The following VPS13A variants were observed in gnomAD, a reference collection of about 807,000 sequenced individuals.
VPS13A encodes intermembrane lipid transfer protein VPS13A.
A neutral mutation model predicts 390.9 loss-of-function variants in VPS13A; 264 were observed. The observed-to-expected ratio is 0.68, with a 90% CI of 0.61 to 0.75. VPS13A has a LOEUF of 0.75. VPS13A is among the 30% of genes least tolerant of loss of function. The probability of loss-of-function intolerance (pLI) is 0.00; values close to 1 mark genes in which losing one functional copy is unlikely to be tolerated. For missense variants in VPS13A, 3,409 were observed against 3,733.9 expected, an observed-to-expected ratio of 0.91 and a Z score of 2.27; for synonymous variants, 1,231 against 1,227.1, an observed-to-expected ratio of 1.00 and a Z score of -0.07.
At chr9:77,274,708 A>G (rs938546200) in intron 24 of VPS13A, among the ~76,000 whole-genome samples, 3 of 152,114 alleles carry the variant, frequency 2.0e-5, no homozygotes, top group Admixed American at 6.5e-5. Flanking sequence ...GTGTATGTCT[A>G]TATTTTTAAG....
chr9:77,407,065 GC>G (rs1587730016), intron 70 of VPS13A, among the ~76,000 whole-genome samples: 1 of 152,092 alleles, frequency 6.6e-6, no homozygotes, highest in East Asian at 1.9e-4. Flanking sequence ...GTTTAAAATG[GC>G]AGAAGTACAT....
chr9:77,357,316 C>CA (rs1156801817), intron 55 of VPS13A, among the ~76,000 whole-genome samples: 1,871 of 44,476 alleles, frequency 0.042, 322 homozygotes, highest in African/African-American at 0.095. Context: ...GACTCTGTCT[C>CA]AAAAAAAAAA....
rs148219980 is a variant in VPS13A, at chr9:77,405,705, CTTTATGGTTCCAGTTCTTTTAAA to C, written c.9276-156_9276-134del. ...AGTTCTGTTATGATCTGAGGACACA[CTTTATGGTTCCAGTTCTTTTAAA>C]TTCATTAAGAATATAGAATATAGTC... On this transcript the variant is annotated intron_variant, in intron 69 of 71. Transcript: ENST00000360280. Among the ~76,000 whole-genome samples the C allele has an allele frequency of 3.5e-3, 540 of 152,272 alleles. 3 individuals carry two copies. Among genetic ancestry groups the C allele is most frequent in the African/African-American group, 0.012 (515 of 41,566 alleles).
chr9:77,204,547 T>TATAC (rs537679944), intron 3 of VPS13A, among the ~76,000 whole-genome samples: 7 of 152,166 alleles, frequency 4.6e-5, no homozygotes, highest in African/African-American at 4.8e-5. Flanking sequence ...TGTGAATTAC[T>TATAC]ATACATACAT....
At chr9:77,314,816 T>A in intron 37 of VPS13A, 152 bp downstream of exon 37, 1 of 720,128 alleles carries the variant, frequency 1.4e-6, no homozygotes, top group Non-Finnish European at 2.3e-6. Flanking sequence ...CGGTTAACAT[T>A]TAAAATGTCC....
chr9:77,268,881 A>G (rs1447350533), intron 23 of VPS13A, among the ~76,000 whole-genome samples: 1 of 151,666 alleles, frequency 6.6e-6, no homozygotes, highest in Non-Finnish European at 1.5e-5. Flanking sequence ...TGGAGGTTGC[A>G]GTGAGCCAAG....
chr9:77,270,169 T>C (rs1826264235), intron 23 of VPS13A, among the ~76,000 whole-genome samples: 1 of 152,194 alleles, frequency 6.6e-6, no homozygotes, highest in Non-Finnish European at 1.5e-5. Flanking sequence ...GAAGTGGCTT[T>C]AGAACTGGGT....
At chr9:77,325,550 A>G (rs1325695507) in intron 45 of VPS13A, among the ~76,000 whole-genome samples, 1 of 148,644 alleles carries the variant, frequency 6.7e-6, no homozygotes, top group Non-Finnish European at 1.5e-5. Context: ...CTTTGCTTCC[A>G]TCTTCCCTTT....
intron 68 of VPS13A, among the ~76,000 whole-genome samples, chr9:77,402,467 A>C (rs1422635483): frequency 6.6e-6 from 1 of 152,070 alleles, no homozygotes; most frequent in Non-Finnish European, 1.5e-5. Context: ...TTCTTGAGGG[A>C]ACTTAGTCAT....
intron 70 of VPS13A, among the ~76,000 whole-genome samples, chr9:77,406,446 G>A (rs1294273478): frequency 2.6e-5 from 4 of 151,782 alleles, no homozygotes; most frequent in Non-Finnish European, 5.9e-5. Flanking sequence ...TTGAGACAGA[G>A]TCTTGCCCTG....
At chr9:77,321,018 T>C in intron 42 of VPS13A, 151 bp from the exon 43 acceptor site, 3 of 686,670 alleles carry the variant, frequency 4.4e-6, no homozygotes, top group Admixed American at 2.8e-5. Flanking sequence ...CTTAGTTGGC[T>C]GATGTCCAAG....
At chr9:77,350,035 G>T (rs72746025) in intron 52 of VPS13A, among the ~76,000 whole-genome samples, 8,717 of 152,020 alleles carry the variant, frequency 0.057, 361 homozygotes, top group South Asian at 0.12. Flanking sequence ...GTAGTATATT[G>T]TCTTCTAATG....
At chr9:77,379,947 C>T (rs1833339755) in intron 67 of VPS13A, among the ~76,000 whole-genome samples, 1 of 152,038 alleles carries the variant, frequency 6.6e-6, no homozygotes. Context: ...AAGTAGGTTG[C>T]TGAAATCTTC....
intron 31 of VPS13A, among the ~76,000 whole-genome samples, chr9:77,291,564 T>G (rs12552588): frequency 1.3e-5 from 2 of 152,168 alleles, no homozygotes; most frequent in Non-Finnish European, 1.5e-5. Flanking sequence ...TTGTACCTTG[T>G]GCTTAGGGTG....
chr9:77,204,961 G>T (rs888050312), intron 3 of VPS13A, among the ~76,000 whole-genome samples: 3 of 152,014 alleles, frequency 2.0e-5, no homozygotes, highest in Admixed American at 6.6e-5. Flanking sequence ...AAAAAATATA[G>T]GTTTAGAGTA....
intron 1 of VPS13A, among the ~76,000 whole-genome samples, chr9:77,182,961 C>T (rs763742959): frequency 3.3e-5 from 5 of 152,078 alleles, no homozygotes; most frequent in African/African-American, 4.8e-5. Flanking sequence ...ATACAGTTTT[C>T]GATTTTTAAG....
chr9:77,351,294 G>A (rs201318199), intron 52 of VPS13A, 23 bp from the exon 53 acceptor site: 18 of 1,609,294 alleles, frequency 1.1e-5, no homozygotes, highest in South Asian at 3.3e-5. Context: ...TTAATTTAAC[G>A]CGTATTTTTG....
intron 1 of VPS13A, 126 bp from the exon 2 acceptor site, chr9:77,199,819 T>G: frequency 1.4e-6 from 1 of 727,886 alleles, no homozygotes; most frequent in Non-Finnish European, 2.2e-6. Context: ...TATAGGCAGA[T>G]TATATTATCT....
chr9:77,252,780 A>T (rs1825217805), intron 22 of VPS13A, among the ~76,000 whole-genome samples: 1 of 152,184 alleles, frequency 6.6e-6, no homozygotes, highest in Non-Finnish European at 1.5e-5. Context: ...ACTTAGCATA[A>T]TGTCTTCAAG....
Sources: allele counts gnomAD v4.1 joint callset (sites outside exome capture counted in the v4.1 genomes callset), GRCh38; gene constraint gnomAD v4.1.1; transcripts MANE v1.5; gene names NCBI Gene and HGNC (gene_info 2026-07-23, HGNC 2026-07-21).